NECAB1: variants seen among roughly 807,000 people sequenced by gnomAD.
NECAB1 encodes the protein N-terminal EF-hand calcium-binding protein 1.
In NECAB1, 29 loss-of-function variants were observed where a neutral mutation model predicts 57.5. That is an observed-to-expected ratio of 0.50 (90% CI 0.38 to 0.69). The LOEUF is 0.69. Ranked by LOEUF, NECAB1 falls within the 30% of genes least tolerant of loss-of-function variation. NECAB1 has a pLI of 0.00. For missense variants in NECAB1, 372 were observed against 413.8 expected, an observed-to-expected ratio of 0.90 and a Z score of 0.88; for synonymous variants, 142 against 147.7, an observed-to-expected ratio of 0.96 and a Z score of 0.28.
intron 5 of NECAB1, among the ~76,000 whole-genome samples, chr8:90,893,799 A>C (rs1809252490): frequency 6.6e-6 from 1 of 152,180 alleles, no homozygotes; most frequent in African/African-American, 2.4e-5. Context: ...GAAAGGGATT[A>C]GCAGTTTTAA....
chr8:90,950,887 G>A (rs1257788114), intron 11 of NECAB1, among the ~76,000 whole-genome samples: 1 of 151,986 alleles, frequency 6.6e-6, no homozygotes, highest in Non-Finnish European at 1.5e-5. Flanking sequence ...AAAAAGTAAT[G>A]TTCTCCTGGT....
intron 8 of NECAB1, among the ~76,000 whole-genome samples, chr8:90,933,067 T>A (rs1810448389): frequency 1.3e-5 from 2 of 151,974 alleles, no homozygotes; most frequent in African/African-American, 2.4e-5. Context: ...AATAAAAAAA[T>A]TAAAAAATAA....
chr8:90,918,272 A>G (rs575838603), intron 6 of NECAB1, among the ~76,000 whole-genome samples: 11 of 151,960 alleles, frequency 7.2e-5, no homozygotes, highest in African/African-American at 2.7e-4. Flanking sequence ...TTGGCCTCCC[A>G]AAGTGCTGGG....
At chr8:90,877,427 A>C (rs1808748184) in intron 4 of NECAB1, among the ~76,000 whole-genome samples, 2 of 152,118 alleles carry the variant, frequency 1.3e-5, no homozygotes, top group South Asian at 4.1e-4. Context: ...ACTCTGCATC[A>C]TAATCTCCTA....
chr8:90,907,603 G>A (rs932068635), intron 5 of NECAB1, among the ~76,000 whole-genome samples: 16 of 151,976 alleles, frequency 1.1e-4, no homozygotes, highest in African/African-American at 3.9e-4. Flanking sequence ...TATGAAATTG[G>A]GATATATCTA....
intron 3 of NECAB1, among the ~76,000 whole-genome samples, chr8:90,846,107 G>A (rs1812553071): frequency 6.6e-6 from 1 of 152,196 alleles, no homozygotes; most frequent in Non-Finnish European, 1.5e-5. Context: ...CTTCATGCCA[G>A]CTTTAATGTA....
chr8:90,801,034 A>G (rs1316619433), intron 1 of NECAB1, among the ~76,000 whole-genome samples: 1 of 152,204 alleles, frequency 6.6e-6, no homozygotes, highest in Non-Finnish European at 1.5e-5. Context: ...TAAAGTAGAT[A>G]TAGCATAGAC....
intron 3 of NECAB1, among the ~76,000 whole-genome samples, chr8:90,858,719 A>T (rs1404349853): frequency 1.3e-5 from 2 of 152,114 alleles, no homozygotes; most frequent in African/African-American, 4.8e-5. Flanking sequence ...AAACAGCATT[A>T]CAAAAGAATA....
intron 12 of NECAB1, among the ~76,000 whole-genome samples, chr8:90,952,603 C>A (rs555792157): frequency 7.9e-5 from 12 of 151,926 alleles, no homozygotes; most frequent in African/African-American, 2.7e-4. Flanking sequence ...ATGGTGAAAC[C>A]CCACCTCTAC....
At chr8:90,842,633 A>C (rs1325902295) in intron 3 of NECAB1, among the ~76,000 whole-genome samples, 1 of 152,230 alleles carries the variant, frequency 6.6e-6, no homozygotes, top group Non-Finnish European at 1.5e-5. Context: ...ATTGTGCACC[A>C]TTAGAGTTTT....
chr8:90,836,677 G>A (rs996351916), intron 3 of NECAB1, among the ~76,000 whole-genome samples: 6 of 152,154 alleles, frequency 3.9e-5, no homozygotes, highest in African/African-American at 1.4e-4. Flanking sequence ...TGAAAATTCA[G>A]TTTGTCAGAC....
rs1477009399 is a variant in NECAB1 at position 90,956,592 on chromosome 8, G to A, written c.*1080G>A. On this transcript the variant is annotated 3_prime_UTR_variant, in exon 13 of 13. Transcript: ENST00000417640. The stretch of plus-strand genomic sequence containing the variant: ...TTTTTAATAATAAAAATCTGTTCTG[G>A]TTATAAACCTTGCTAATGAAAATAC... The A allele has an allele frequency of 2.6e-5, 4 of 151,776 alleles. No individual in the cohort carries two copies. The South Asian group carries it at 8.3e-4, about 32-fold the overall frequency. The allele number at this position is 151,776 out of a possible 1,614,324, so 9.4% of individuals were successfully genotyped here.
intron 5 of NECAB1, among the ~76,000 whole-genome samples, chr8:90,907,000 C>G (rs1350423882): frequency 6.7e-6 from 1 of 150,108 alleles, no homozygotes. Context: ...ATCATCCCAT[C>G]TCAGCCTCCT....
intron 3 of NECAB1, among the ~76,000 whole-genome samples, chr8:90,852,322 A>T (rs573462183): frequency 4.6e-5 from 7 of 152,186 alleles, no homozygotes; most frequent in African/African-American, 1.7e-4. Flanking sequence ...TTATCACATC[A>T]CTTGTAAAGG....
chr8:90,957,006 C>T lies in NECAB1; in HGVS notation c.*1494C>T, dbSNP rs965494238. On this transcript the variant is annotated 3_prime_UTR_variant, in exon 13 of 13. Coordinates refer to ENST00000417640, the MANE Select transcript of NECAB1 (RefSeq NM_022351.5). ...TGTGTATTTGTGTGCCTCTGGTCAA[C>T]TCTAAGGATGACAGACACTGTGTAA... 4.7e-5 allele frequency: 7 copies of T among 149,872 alleles called. No individual in the cohort carries two copies. Among genetic ancestry groups the T allele is most frequent in the African/African-American group, 1.7e-4 (7 of 40,512 alleles). The allele number at this position is 149,872 out of a possible 1,614,324, so 9.3% of individuals were successfully genotyped here. A position where few individuals can be genotyped will look rare whatever the true frequency, so the allele number is the denominator to read the frequency against.
chr8:90,832,899 A>G (rs988411025), intron 3 of NECAB1, among the ~76,000 whole-genome samples: 1 of 152,188 alleles, frequency 6.6e-6, no homozygotes, highest in Non-Finnish European at 1.5e-5. Context: ...TTCATGTATC[A>G]GAAATCAAAA....
intron 5 of NECAB1, among the ~76,000 whole-genome samples, chr8:90,904,959 T>C (rs1218265941): frequency 1.3e-5 from 2 of 152,160 alleles, no homozygotes; most frequent in Non-Finnish European, 2.9e-5. Context: ...TGTGTAAAAA[T>C]TTAAGTTTTA....
At chr8:90,953,898 C>T (rs1810965522) in intron 12 of NECAB1, among the ~76,000 whole-genome samples, 1 of 151,762 alleles carries the variant, frequency 6.6e-6, no homozygotes, top group Non-Finnish European at 1.5e-5. Flanking sequence ...GAAATCCTCT[C>T]TTTACTAAAA....
At chr8:90,910,574 T>C (rs1044366057) in intron 5 of NECAB1, among the ~76,000 whole-genome samples, 2 of 152,158 alleles carry the variant, frequency 1.3e-5, no homozygotes, top group African/African-American at 4.8e-5. Context: ...TTTTATTTCT[T>C]GTCTCTGTGA....
Sources: gnomAD v4.1 joint callset for allele counts (sites outside exome capture counted in the v4.1 genomes callset) on GRCh38, gnomAD v4.1.1 for gene constraint, MANE v1.5 for transcripts, NCBI Gene and HGNC (gene_info 2026-07-23, HGNC 2026-07-21) for gene names.